SLC22A23: variants seen among roughly 807,000 people sequenced by gnomAD.
SLC22A23 encodes the protein ion transporter protein.
In SLC22A23, 26 loss-of-function variants were observed where a neutral mutation model predicts 61.0. The ratio of observed to expected loss-of-function variants is 0.43; its 90% confidence interval spans 0.31 to 0.59. SLC22A23 has a LOEUF of 0.59. Ranked by LOEUF, SLC22A23 falls within the 20% of genes least tolerant of loss-of-function variation. The probability of loss-of-function intolerance (pLI) is 0.11; values close to 1 mark genes in which losing one functional copy is unlikely to be tolerated. For missense variants in SLC22A23, 796 were observed against 934.7 expected (o/e 0.85, Z 1.94); for synonymous variants, 430 against 413.9 (o/e 1.04, Z -0.47).
intron 4 of SLC22A23, chr6:3,312,722 A>T (rs949248536): frequency 6.6e-6 from 1 of 152,324 alleles, no homozygotes; most frequent in Admixed American, 6.5e-5. Context: ...GACGCCAGCA[A>T]TGGCAACACC....
chr6:3,369,463 G>A (rs1157105770), intron 3 of SLC22A23, among the ~76,000 whole-genome samples: 2 of 152,164 alleles, frequency 1.3e-5, no homozygotes, highest in Non-Finnish European at 2.9e-5. Flanking sequence ...GGCCAAGGCG[G>A]GTGGATCACC....
rs1450363593 is a variant in SLC22A23 at position 3,270,314 on chromosome 6, C to T, written c.*2741G>A. The T allele has an allele frequency of 6.6e-6, 1 of 152,466 alleles. No homozygotes were observed. The highest frequency in any genetic ancestry group is 1.5e-5 in the Non-Finnish European group (1 of 68,106). The allele number at this position is 152,466 out of a possible 1,614,324, so 9.4% of individuals were successfully genotyped here. ...CTGGGAAGTGGGCAGCCGTAGCAGC[C>T]TCCCCTGCTGAGCCCGGCGGGCCCA... On this transcript the variant is annotated 3_prime_UTR_variant, in exon 10 of 10. Coordinates refer to ENST00000406686, the MANE Select transcript of SLC22A23 (RefSeq NM_015482.2).
At chr6:3,349,960 C>A (rs1314412835) in intron 3 of SLC22A23, among the ~76,000 whole-genome samples, 5 of 152,234 alleles carry the variant, frequency 3.3e-5, no homozygotes, top group Admixed American at 3.3e-4. Flanking sequence ...TTCATCCCCT[C>A]TTGGGGGCTA....
intron 9 of SLC22A23, among the ~76,000 whole-genome samples, chr6:3,280,533 T>C (rs1460875790): frequency 2.3e-5 from 3 of 130,136 alleles, no homozygotes; most frequent in South Asian, 2.5e-4. Context: ...TCTCGCTCTG[T>C]CGCCCAGGCT....
intron 3 of SLC22A23, among the ~76,000 whole-genome samples, chr6:3,341,776 G>T (rs886227906): frequency 3.3e-5 from 5 of 152,020 alleles, no homozygotes; most frequent in African/African-American, 9.7e-5. Flanking sequence ...TGTCAAGCGA[G>T]GGGGGTGGGG....
intron 3 of SLC22A23, among the ~76,000 whole-genome samples, chr6:3,385,236 G>T (rs1767220882): frequency 6.6e-6 from 1 of 152,156 alleles, no homozygotes; most frequent in Admixed American, 6.5e-5. Context: ...AGATGGGCTG[G>T]GCACGGTGGC....
rs1294642689 is a variant in SLC22A23 at position 3,333,588 on chromosome 6, C to T, written c.914-9586G>A. ...TCCCCAGGGAGTTGCATATCTCCCT[C>T]CTCCTTTTCTCAGGTCTCTAAGAGC... On this transcript the variant is annotated intron_variant, in intron 3 of 9. Transcript: ENST00000406686. The surrounding 1 kb of genome is among the most constrained non-coding windows in gnomAD (Gnocchi z 4.1). Among the ~76,000 whole-genome samples, 1 of 152,220 alleles carries T rather than the reference C, an allele frequency of 6.6e-6. No individual in the cohort carries two copies. The highest frequency in any genetic ancestry group is 1.9e-4 in the East Asian group (1 of 5,196).
At position 3,284,776 on chromosome 6, in the gene SLC22A23, A is replaced by G. The variant is rs1759816278; in HGVS notation, c.1579+303T>C. Among the ~76,000 whole-genome samples the G allele has an allele frequency of 2.0e-5, 3 of 152,244 alleles. No homozygotes were observed. The South Asian group carries it at 6.2e-4, about 32-fold the overall frequency. On this transcript the variant is annotated intron_variant, in intron 8 of 9. Transcript: ENST00000406686. ...TCCCCCCACCCAGACAACTGTCCCTAAGACAAAGCATGTTGGCGCCGGGCC... is the reference window on the plus strand; with the variant it reads ...TCCCCCCACCCAGACAACTGTCCCTGAGACAAAGCATGTTGGCGCCGGGCC...
chr6:3,354,554 C>T (rs1040202102), intron 3 of SLC22A23, among the ~76,000 whole-genome samples: 1 of 152,198 alleles, frequency 6.6e-6, no homozygotes, highest in African/African-American at 2.4e-5. Context: ...CCTCAAGAGA[C>T]CCAGCATCCA....
intron 1 of SLC22A23, among the ~76,000 whole-genome samples, chr6:3,416,547 T>C (rs115538146): frequency 1.3e-3 from 204 of 152,324 alleles, no homozygotes; most frequent in Non-Finnish European, 2.3e-3. Flanking sequence ...TACAAACAAA[T>C]ACAAATCTTC....
At chr6:3,437,908 C>T (rs1341356199) in intron 1 of SLC22A23, among the ~76,000 whole-genome samples, 2 of 151,892 alleles carry the variant, frequency 1.3e-5, no homozygotes, top group Middle Eastern at 3.4e-3. Flanking sequence ...CCACCACACC[C>T]AGCTAATTTT....
At chr6:3,422,994 A>G (rs1338266221) in intron 1 of SLC22A23, among the ~76,000 whole-genome samples, 1 of 152,126 alleles carries the variant, frequency 6.6e-6, no homozygotes, top group Non-Finnish European at 1.5e-5. Flanking sequence ...CATTTTAATG[A>G]GTAATGTAAT....
At chr6:3,336,313 G>A (rs1056278996) in intron 3 of SLC22A23, among the ~76,000 whole-genome samples, 3 of 152,186 alleles carry the variant, frequency 2.0e-5, no homozygotes, top group Non-Finnish European at 4.4e-5. Flanking sequence ...GTTCTCACCT[G>A]GACTGCCATA....
At chr6:3,344,525 T>A (rs771036789) in intron 3 of SLC22A23, among the ~76,000 whole-genome samples, 1 of 152,198 alleles carries the variant, frequency 6.6e-6, no homozygotes, top group Non-Finnish European at 1.5e-5. Context: ...GTTAAGAACC[T>A]GGGCTCTGGG....
chr6:3,420,960 G>A (rs996411333), intron 1 of SLC22A23, among the ~76,000 whole-genome samples: 1 of 152,088 alleles, frequency 6.6e-6, no homozygotes, highest in Non-Finnish European at 1.5e-5. Flanking sequence ...AATTAGCTGG[G>A]TGTGGTGGTG....
At chr6:3,393,044 G>T (rs1274052371) in intron 3 of SLC22A23, among the ~76,000 whole-genome samples, 1 of 152,166 alleles carries the variant, frequency 6.6e-6, no homozygotes. Flanking sequence ...AGTGGGTGAG[G>T]TATCATGAAA....
At chr6:3,441,280 T>C (rs1304101122) in intron 1 of SLC22A23, among the ~76,000 whole-genome samples, 3 of 152,142 alleles carry the variant, frequency 2.0e-5, no homozygotes, top group East Asian at 3.9e-4. Context: ...CACGAGCCCT[T>C]CTCTCCTGGA....
At chr6:3,452,256 T>C (rs1174932792) in intron 1 of SLC22A23, among the ~76,000 whole-genome samples, 2 of 152,122 alleles carry the variant, frequency 1.3e-5, no homozygotes, top group East Asian at 1.9e-4. Context: ...ACAGAACACA[T>C]GGCACACTCA....
At chr6:3,370,695 T>G (rs1336847679) in intron 3 of SLC22A23, among the ~76,000 whole-genome samples, 1 of 152,256 alleles carries the variant, frequency 6.6e-6, no homozygotes, top group African/African-American at 2.4e-5. Flanking sequence ...CTACACCTGC[T>G]TCCCTTGCAA....
Sources: gnomAD v4.1 joint callset for allele counts (sites outside exome capture counted in the v4.1 genomes callset) on GRCh38, gnomAD v4.1.1 for gene constraint, Gnocchi (gnomAD v3.1) non-coding constraint, MANE v1.5 for transcripts, NCBI Gene and HGNC (gene_info 2026-07-23, HGNC 2026-07-21) for gene names.